TAMALIN: variants seen among roughly 807,000 people sequenced by gnomAD.
TAMALIN encodes protein TAMALIN.
Under a neutral mutation model 38.5 loss-of-function variants are expected in TAMALIN, and 9 were observed. The observed-to-expected ratio is 0.23, with a 90% CI of 0.14 to 0.41. The LOEUF is 0.41. TAMALIN is among the 10% of genes least tolerant of loss of function. The pLI, the probability that TAMALIN is intolerant of heterozygous loss-of-function variation, is 1.00. For missense variants in TAMALIN, 548 were observed against 554.1 expected, an observed-to-expected ratio of 0.99 and a Z score of 0.11; for synonymous variants, 306 against 256.5, an observed-to-expected ratio of 1.19 and a Z score of -1.85.
chr12:52,014,278 C>A, intron 7 of TAMALIN, 77 bp downstream of exon 7: 1 of 1,250,768 alleles, frequency 8.0e-7, no homozygotes, highest in Non-Finnish European at 1.1e-6. Context: ...TCAGAACTGG[C>A]GGGTTCTAGT....
At position 52,006,958 on chromosome 12, in the gene TAMALIN, C is replaced by G; in HGVS notation, c.-62C>G. 7.7e-7 allele frequency: 1 copy of G among 1,303,494 alleles called. No individual in the cohort carries two copies. Among genetic ancestry groups the G allele is most frequent in the South Asian group, 2.2e-5 (1 of 45,556 alleles). The allele number at this position is 1,303,494 out of a possible 1,614,324, so 80.7% of individuals were successfully genotyped here. ...GGCCCGCCCGGCTGGCATCCCCCAG[C>G]CGCCGCCAGCCCCGCCGAGGGGAGC... On this transcript the variant is annotated 5_prime_UTR_variant, in exon 1 of 8. Transcript: ENST00000293662.
chr12:52,007,187 C>T lies in TAMALIN; in HGVS notation c.168C>T (p.Tyr56=). ...ATPGPPADEL[Y]AALEDYHPAE... is the part of the protein sequence containing the mutation. The stretch of plus-strand genomic sequence containing the variant: ...CTGGGCCCCCAGCGGACGAGCTGTA[C>T]GCGGCGCTGGAGGACTATCACCCTG... Residue 56 remains tyrosine (Y), a synonymous_variant, in exon 1 of 8, where the codon TAC becomes TAT. Coordinates refer to ENST00000293662, the MANE Select transcript of TAMALIN (RefSeq NM_181711.4). This position sits in a 1 kb window ranked among gnomAD's most constrained non-coding sequence, Gnocchi z 6.7. 8 of 1,516,324 alleles carry T rather than the reference C, an allele frequency of 5.3e-6. No homozygotes were observed. Among genetic ancestry groups the T allele is most frequent in the Non-Finnish European group, 6.1e-6 (7 of 1,143,124 alleles). The allele number at this position is 1,516,324 out of a possible 1,614,324, so 93.9% of individuals were successfully genotyped here. A position where few individuals can be genotyped will look rare whatever the true frequency, so the allele number is the denominator to read the frequency against.
Position 52,015,090 on chromosome 12 carries a change from T to C in TAMALIN, c.1079T>C (p.Leu360Pro), listed in dbSNP as rs1937773385. The C allele has an allele frequency of 6.5e-7, 1 of 1,545,370 alleles. No individual in the cohort carries two copies. The highest frequency in any genetic ancestry group is 1.9e-5 in the Admixed American group (1 of 51,536). Residue 360 changes from leucine to proline, a missense_variant, in exon 8 of 8, where the codon CTA (leucine) becomes CCA (proline). This residue lies in a region of TAMALIN where 415 missense variants were observed against 417.0 expected (regional missense o/e 1.00). Transcript: ENST00000293662. ...ALWTEAREQA[L>P]CGPGLRKTKY... ...TGGACTGAGGCTCGCGAGCAGGCCC[T>C]ATGCGGCCCCGGCCTGCGCAAAACC...
At position 52,014,338 on chromosome 12, in the gene TAMALIN, C is replaced by T. The variant is rs1002159028; in HGVS notation, c.682+137C>T. On this transcript the variant is annotated intron_variant, in intron 7 of 7. Transcript: ENST00000293662. ...CCACAGTAAAGCAAGGTTTGTTGAG[C>T]TACTACTACTTTGGGTACTGCCGCA... The T allele has an allele frequency of 1.1e-5, 8 of 756,530 alleles. No individual in the cohort carries two copies. The African/African-American group carries it at 1.4e-4, about 13-fold the overall frequency. 46.9% of individuals were successfully genotyped at this position (756,530 alleles called of 1,614,324 possible).
rs1292014793 is a variant in TAMALIN, at chr12:52,007,769, C to T, written c.246+504C>T. The T allele has an allele frequency of 2.0e-6, 2 of 985,340 alleles. No homozygotes were observed. Among genetic ancestry groups the T allele is most frequent in the East Asian group, 1.1e-4 (1 of 8,810 alleles). 61.0% of individuals were successfully genotyped at this position (985,340 alleles called of 1,614,324 possible). A position where few individuals can be genotyped will look rare whatever the true frequency, so the allele number is the denominator to read the frequency against. On this transcript the variant is annotated intron_variant, in intron 1 of 7. Transcript: ENST00000293662. This position sits in a 1 kb window ranked among gnomAD's most constrained non-coding sequence, Gnocchi z 6.7. The stretch of plus-strand genomic sequence containing the variant: ...AGCACACCCTTCCGAGGGGACTCCC[C>T]GATTCCTGGGCTGGGGGCCTGCCGC...
In TAMALIN at chr12:52,007,935, C is replaced by T; in HGVS notation, c.246+670C>T. On this transcript the variant is annotated intron_variant, in intron 1 of 7. Transcript: ENST00000293662. The surrounding 1 kb of genome is among the most constrained non-coding windows in gnomAD (Gnocchi z 6.7). ...GCGCCCACCTCTGAGTCCCCTCTGCCAGCCTCTTCCTCTGGCCCCAGGAGA... is the reference window on the plus strand; with the variant it reads ...GCGCCCACCTCTGAGTCCCCTCTGCTAGCCTCTTCCTCTGGCCCCAGGAGA... 2 of 985,446 alleles carry T rather than the reference C, an allele frequency of 2.0e-6. No individual in the cohort carries two copies. Among genetic ancestry groups the T allele is most frequent in the Non-Finnish European group, 2.4e-6 (2 of 829,920 alleles). 61.0% of individuals were successfully genotyped at this position (985,446 alleles called of 1,614,324 possible). A position where few individuals can be genotyped will look rare whatever the true frequency, so the allele number is the denominator to read the frequency against.
At chr12:52,012,673 C>T (rs1227736857) in intron 4 of TAMALIN, among the ~76,000 whole-genome samples, 2 of 152,220 alleles carry the variant, frequency 1.3e-5, no homozygotes, top group African/African-American at 4.8e-5. Context: ...TGGTATACTA[C>T]AACTTCTCAA....
At position 52,009,344 on chromosome 12, in the gene TAMALIN, A is replaced by T. The variant is rs970040830; in HGVS notation, c.296+105A>T. 3.5e-6 allele frequency: 4 copies of T among 1,128,710 alleles called. No individual in the cohort carries two copies. The African/African-American group carries it at 6.1e-5, about 17-fold the overall frequency. 69.9% of individuals were successfully genotyped at this position (1,128,710 alleles called of 1,614,324 possible). ...GCCTAGCGAGGGTAGTCATTCTCCT[A>T]GCCTTTAAACATGGCTCCCCCGCTG... is the stretch of plus-strand genomic sequence containing the variant. On this transcript the variant is annotated intron_variant, in intron 2 of 7. Transcript: ENST00000293662.
At chr12:52,010,579 G>T in intron 2 of TAMALIN, 1 of 1,216,092 alleles carries the variant, frequency 8.2e-7, no homozygotes, top group South Asian at 1.6e-5. Flanking sequence ...GGTACTGTAG[G>T]GCTCACTGGA....
In TAMALIN at chr12:52,007,225, G is replaced by A. The variant is rs776485028; in HGVS notation, c.206G>A (p.Arg69His). 5.6e-6 allele frequency: 8 copies of A among 1,440,922 alleles called. No homozygotes were observed. In the East Asian group the frequency reaches 1.7e-4, roughly 30 times the overall value. 89.3% of individuals were successfully genotyped at this position (1,440,922 alleles called of 1,614,324 possible). The change falls in exon 1 of 8, where the codon CGC becomes CAC. Residue 69 changes from arginine to histidine, a missense_variant. Arg to His is a conservative substitution (Grantham distance 29). Around this residue, in one of 3 missense-constraint regions of TAMALIN, gnomAD observed 128 missense variants for 117.9 expected, o/e 1.09. Transcript: ENST00000293662. The surrounding 1 kb of genome is among the most constrained non-coding windows in gnomAD (Gnocchi z 6.7). Reference protein sequence around the residue: ...LEDYHPAELYRALAVSGGTLP... With the variant: ...LEDYHPAELYHALAVSGGTLP... ...GACTATCACCCTGCCGAGCTGTACC[G>A]CGCGCTCGCCGTGTCCGGGGGCACC...
In TAMALIN at chr12:52,007,855, C is replaced by T; in HGVS notation, c.246+590C>T. ...ACTGCTCCCTGGACTTCTGTCGGAA[C>T]CGGACGCAGTGGGAGGGGTCGCAGG... On this transcript the variant is annotated intron_variant, in intron 1 of 7. Coordinates refer to ENST00000293662, the MANE Select transcript of TAMALIN (RefSeq NM_181711.4). The surrounding 1 kb of genome is among the most constrained non-coding windows in gnomAD (Gnocchi z 6.7). 1 of 985,432 alleles carries T rather than the reference C, an allele frequency of 1.0e-6. No individual in the cohort carries two copies. The highest frequency in any genetic ancestry group is 4.7e-5 in the South Asian group (1 of 21,294). The allele number at this position is 985,432 out of a possible 1,614,324, so 61.0% of individuals were successfully genotyped here.
rs1937761619 is a variant in TAMALIN, at chr12:52,014,934, T to A, written c.923T>A (p.Phe308Tyr). The change falls in exon 8 of 8, where the codon TTC (phenylalanine) becomes TAC (tyrosine). Residue 308 changes from phenylalanine to tyrosine, a missense_variant. By Grantham distance (22) the Phe-to-Tyr change is conservative. Transcript: ENST00000293662. ...CCCCCGCCGCCCCCGGCCCGCGCCT[T>A]CGGCCCGGGCCCCGCCGAGACCCCT... ...LPPPPPPARAFGPGPAETPAV... is the reference protein window; with the variant it reads ...LPPPPPPARAYGPGPAETPAV... 5 of 1,023,634 alleles carry A rather than the reference T, an allele frequency of 4.9e-6. No individual in the cohort carries two copies. In the South Asian group the frequency reaches 2.0e-4, roughly 41 times the overall value. The allele number at this position is 1,023,634 out of a possible 1,614,324, so 63.4% of individuals were successfully genotyped here. A position where few individuals can be genotyped will look rare whatever the true frequency, so the allele number is the denominator to read the frequency against.
chr12:52,008,273 T>C (rs1942447072), intron 1 of TAMALIN: 1 of 985,336 alleles, frequency 1.0e-6, no homozygotes, highest in Non-Finnish European at 1.2e-6. Flanking sequence ...CCCTGGGCTG[T>C]GCAGGCTCCA....
At position 52,006,961 on chromosome 12, in the gene TAMALIN, C is replaced by T; in HGVS notation, c.-59C>T. 7.6e-7 allele frequency: 1 copy of T among 1,308,852 alleles called. No homozygotes were observed. Among genetic ancestry groups the T allele is most frequent in the Non-Finnish European group, 9.7e-7 (1 of 1,032,548 alleles). 81.1% of individuals were successfully genotyped at this position (1,308,852 alleles called of 1,614,324 possible). ...CCGCCCGGCTGGCATCCCCCAGCCG[C>T]CGCCAGCCCCGCCGAGGGGAGCCAG... On this transcript the variant is annotated 5_prime_UTR_variant, in exon 1 of 8. Transcript: ENST00000293662.
At position 52,009,247 on chromosome 12, in the gene TAMALIN, A is replaced by G; in HGVS notation, c.296+8A>G. 1 of 1,613,704 alleles carries G rather than the reference A, an allele frequency of 6.2e-7. No homozygotes were observed. ...GAGTCCTGAACAGCAGCGGTGAGTCACCAACACCCAGCCCCTGCCATGGTC... is the reference window on the plus strand; with the variant it reads ...GAGTCCTGAACAGCAGCGGTGAGTCGCCAACACCCAGCCCCTGCCATGGTC... On this transcript the variant is annotated splice_region_variant and intron_variant, in intron 2 of 7. Coordinates refer to ENST00000293662, the MANE Select transcript of TAMALIN (RefSeq NM_181711.4).
chr12:52,011,286 G>A lies in TAMALIN; in HGVS notation c.454+145G>A, dbSNP rs996180249. 1.4e-5 allele frequency: 20 copies of A among 1,473,444 alleles called. No individual in the cohort carries two copies. In the South Asian group the frequency reaches 2.4e-4, roughly 18 times the overall value. 91.3% of individuals were successfully genotyped at this position (1,473,444 alleles called of 1,614,324 possible). Reference sequence around the variant, plus strand: ...CCAGAAAGAAGAATGGATAGAATCTGGGCTTTGGATCTAGGCAAATTTGCC... The same window carrying A: ...CCAGAAAGAAGAATGGATAGAATCTAGGCTTTGGATCTAGGCAAATTTGCC... On this transcript the variant is annotated intron_variant, in intron 4 of 7. Coordinates refer to ENST00000293662, the MANE Select transcript of TAMALIN (RefSeq NM_181711.4). The surrounding 1 kb of genome is among the most constrained non-coding windows in gnomAD (Gnocchi z 5.3).
chr12:52,007,335 G>C lies in TAMALIN; in HGVS notation c.246+70G>C, dbSNP rs961395671. The C allele has an allele frequency of 7.5e-7, 1 of 1,335,686 alleles. No individual in the cohort carries two copies. Among genetic ancestry groups the C allele is most frequent in the Non-Finnish European group, 9.6e-7 (1 of 1,043,584 alleles). 82.7% of individuals were successfully genotyped at this position (1,335,686 alleles called of 1,614,324 possible). A position where few individuals can be genotyped will look rare whatever the true frequency, so the allele number is the denominator to read the frequency against. ...ACTCCCTACAGGGCCTGCTGACTCC[G>C]CAGTGCCCTCTCCTCGGCGTCCGCG... On this transcript the variant is annotated intron_variant, in intron 1 of 7. Transcript: ENST00000293662. The surrounding 1 kb of genome is among the most constrained non-coding windows in gnomAD (Gnocchi z 6.7).
rs747733512 is a variant in TAMALIN, at chr12:52,007,190, G to C, written c.171G>C (p.Ala57=). ...GGCCCCCAGCGGACGAGCTGTACGC[G>C]GCGCTGGAGGACTATCACCCTGCCG... is the stretch of plus-strand genomic sequence containing the variant. ...TPGPPADELY[A]ALEDYHPAEL... is the part of the protein sequence containing the mutation. The change falls in exon 1 of 8, where the codon GCG becomes GCC. Residue 57 remains alanine (A), a synonymous_variant. Coordinates refer to ENST00000293662, the MANE Select transcript of TAMALIN (RefSeq NM_181711.4). This position sits in a 1 kb window ranked among gnomAD's most constrained non-coding sequence, Gnocchi z 6.7. 1 of 1,516,856 alleles carries C rather than the reference G, an allele frequency of 6.6e-7. No individual in the cohort carries two copies. The highest frequency in any genetic ancestry group is 8.7e-7 in the Non-Finnish European group (1 of 1,143,482). The allele number at this position is 1,516,856 out of a possible 1,614,324, so 94.0% of individuals were successfully genotyped here.
At position 52,007,998 on chromosome 12, in the gene TAMALIN, G is replaced by A. The variant is rs1049214580; in HGVS notation, c.246+733G>A. ...AACCTACACAACACCAGGTTAAGAA[G>A]AGGGGCCTGGTGGCCTTTCCTCACC... On this transcript the variant is annotated intron_variant, in intron 1 of 7. Transcript: ENST00000293662. The surrounding 1 kb of genome is among the most constrained non-coding windows in gnomAD (Gnocchi z 6.7). 2 of 985,360 alleles carry A rather than the reference G, an allele frequency of 2.0e-6. No individual in the cohort carries two copies. Among genetic ancestry groups the A allele is most frequent in the African/African-American group, 3.5e-5 (2 of 57,248 alleles). The allele number at this position is 985,360 out of a possible 1,614,324, so 61.0% of individuals were successfully genotyped here.
Sources: gnomAD v4.1 joint callset for allele counts (sites outside exome capture counted in the v4.1 genomes callset) on GRCh38, gnomAD v4.1.1 for gene constraint, gnomAD v4.1.1 regional missense constraint, Gnocchi (gnomAD v3.1) non-coding constraint, MANE v1.5 for transcripts, NCBI Gene and HGNC (gene_info 2026-07-23, HGNC 2026-07-21) for gene names.